The following CASQ1 variants were observed in gnomAD, a reference collection of about 807,000 sequenced individuals.
The protein encoded by CASQ1 is calsequestrin 1.
In CASQ1, 40 loss-of-function variants were observed where a neutral mutation model predicts 49.5. The observed-to-expected ratio is 0.81, with a 90% CI of 0.63 to 1.05. The LOEUF (loss-of-function observed/expected upper bound fraction) is 1.05, where lower values mean the gene tolerates loss of function less well. CASQ1 is among the 50% of genes least tolerant of loss of function. CASQ1 has a pLI of 0.00. For synonymous variants in CASQ1, 174 were observed against 187.2 expected (o/e 0.93, Z 0.58); for missense variants, 469 against 486.9 (o/e 0.96, Z 0.35).
chr1:160,198,853 G>A lies in CASQ1; in HGVS notation c.884-100G>A, dbSNP rs1251951972. ...TTGCAAACAGCCTAGGGCTAGACAT[G>A]TGAAGCTTGGGGAGCAGGGAGGTAG... On this transcript the variant is annotated intron_variant, in intron 8 of 10. Transcript: ENST00000368078. The A allele has an allele frequency of 3.4e-6, 4 of 1,188,850 alleles. No homozygotes were observed. The East Asian group carries it at 7.0e-5, about 21-fold the overall frequency. 73.6% of individuals were successfully genotyped at this position (1,188,850 alleles called of 1,614,324 possible). A position where few individuals can be genotyped will look rare whatever the true frequency, so the allele number is the denominator to read the frequency against.
intron 1 of CASQ1, among the ~76,000 whole-genome samples, chr1:160,191,570 C>G (rs1327974203): frequency 6.6e-6 from 1 of 152,182 alleles, no homozygotes; most frequent in African/African-American, 2.4e-5. Flanking sequence ...CTTCCTTCCC[C>G]CTCCCTAATT....
Position 160,195,053 on chromosome 1 carries a change from G to A in CASQ1, c.507G>A (p.Glu169=). 1 of 1,613,426 alleles carries A rather than the reference G, an allele frequency of 6.2e-7. No homozygotes were observed. The change falls in exon 4 of 11, where the codon GAG becomes GAA. Residue 169 remains glutamate (E), a synonymous_variant. Transcript: ENST00000368078. ...TGGAATTGATTGAAGGTGAACGAGAGCTGCAGGCGTTTGAGAATATTGAGG... is the reference window on the plus strand; with the variant it reads ...TGGAATTGATTGAAGGTGAACGAGAACTGCAGGCGTTTGAGAATATTGAGG... The part of the protein sequence containing the change: ...DPVELIEGER[E]LQAFENIEDE...
At chr1:160,198,461 G>A (rs773266768) in intron 7 of CASQ1, 19 of 425,122 alleles carry the variant, frequency 4.5e-5, no homozygotes, top group Middle Eastern at 6.5e-4. Flanking sequence ...CCGAGATCGC[G>A]CCATTGCACT....
rs1221488091 is a variant in CASQ1, at chr1:160,199,015, C to A, written c.946C>A (p.Leu316Ile). 2.5e-6 allele frequency: 4 copies of A among 1,612,840 alleles called. No individual in the cohort carries two copies. The South Asian group carries it at 3.3e-5, about 13-fold the overall frequency. ...VAQDNTENPD[L>I]SIIWIDPDDF... ...CCAAGATAACACTGAAAACCCAGATCTTAGCATCATCTGGATTGACCCTGA... is the reference window on the plus strand; with the variant it reads ...CCAAGATAACACTGAAAACCCAGATATTAGCATCATCTGGATTGACCCTGA... Residue 316 changes from leucine (L) to isoleucine (I), a missense_variant, in exon 9 of 11, where the codon CTT becomes ATT. Leu to Ile is a conservative substitution (Grantham distance 5, BLOSUM62 2). Transcript: ENST00000368078.
At chr1:160,195,806 T>A (rs1654210670) in intron 5 of CASQ1, 91 bp from the exon 6 acceptor site, 4 of 1,387,358 alleles carry the variant, frequency 2.9e-6, no homozygotes, top group Non-Finnish European at 4.0e-6. Context: ...GCTTTCTGAC[T>A]CCCTTCCTAA....
In CASQ1 at chr1:160,192,920, G is replaced by T. The variant is rs1460952941; in HGVS notation, c.364+34G>T. 17 of 1,575,726 alleles carry T rather than the reference G, an allele frequency of 1.1e-5. No individual in the cohort carries two copies. In the South Asian group the frequency reaches 1.8e-4, roughly 16 times the overall value. ...GGGGAGGGCAGGGGAGGGGAAGGTG[G>T]CATTGAGACAAGGGGAGGCTTAGGG... is the stretch of plus-strand genomic sequence containing the variant. On this transcript the variant is annotated intron_variant, in intron 2 of 10. Coordinates refer to ENST00000368078, the MANE Select transcript of CASQ1 (RefSeq NM_001231.5).
chr1:160,198,850 C>A, intron 8 of CASQ1, 103 bp from the exon 9 acceptor site: 1 of 1,193,852 alleles, frequency 8.4e-7, no homozygotes, highest in Non-Finnish European at 1.3e-6. Flanking sequence ...TAGGGCTAGA[C>A]ATGTGAAGCT....
chr1:160,195,372 G>A (rs565548252), intron 4 of CASQ1, 89 bp from the exon 5 acceptor site: 2 of 1,247,982 alleles, frequency 1.6e-6, no homozygotes, highest in South Asian at 2.4e-5. Context: ...AATGAACCCT[G>A]CCTGCAAAGA....
intron 1 of CASQ1, among the ~76,000 whole-genome samples, chr1:160,191,467 CTG>C (rs1351473229): frequency 3.3e-5 from 5 of 152,174 alleles, no homozygotes; most frequent in Admixed American, 2.6e-4. Context: ...GAGATCCAAA[CTG>C]AGTGTAAATG....
intron 9 of CASQ1, among the ~76,000 whole-genome samples, 164 bp downstream of exon 9, chr1:160,199,217 C>T (rs539956864): frequency 6.6e-6 from 1 of 152,274 alleles, no homozygotes; most frequent in South Asian, 2.1e-4. Flanking sequence ...GCATGGAGGG[C>T]ATCCTGAGCA....
intron 3 of CASQ1, among the ~76,000 whole-genome samples, chr1:160,194,624 C>CAT (rs36143089): frequency 0.48 from 71,945 of 149,620 alleles, 18,211 homozygotes; most frequent in East Asian, 0.7. Context: ...ACACTCCACA[C>CAT]GTACACACAC....
At chr1:160,194,940 C>T (rs1215700162) in intron 3 of CASQ1, 72 bp from the exon 4 acceptor site, 1 of 945,382 alleles carries the variant, frequency 1.1e-6, no homozygotes, top group East Asian at 2.4e-5. Flanking sequence ...CCCCAGCCTT[C>T]TTTTCCCTAG....
Position 160,201,871 on chromosome 1 carries a change from T to A in CASQ1, c.*495T>A, listed in dbSNP as rs558745666. 1 of 157,138 alleles carries A rather than the reference T, an allele frequency of 6.4e-6. No homozygotes were observed. Among genetic ancestry groups the A allele is most frequent in the South Asian group, 1.9e-4 (1 of 5,260 alleles). 9.7% of individuals were successfully genotyped at this position (157,138 alleles called of 1,614,324 possible). On this transcript the variant is annotated 3_prime_UTR_variant, in exon 11 of 11. Transcript: ENST00000368078. ...CAAATGAGAGGCCTCAATAAAGACA[T>A]CTGGGGCAGCATGAACAAGTGTATT...
intron 3 of CASQ1, among the ~76,000 whole-genome samples, chr1:160,194,719 A>C (rs1205806096): frequency 6.6e-6 from 1 of 150,758 alleles, no homozygotes; most frequent in Non-Finnish European, 1.5e-5. Context: ...ACACATATGC[A>C]CCACATGCAC....
chr1:160,191,531 C>T (rs1299779830), intron 1 of CASQ1, among the ~76,000 whole-genome samples: 1 of 152,196 alleles, frequency 6.6e-6, no homozygotes, highest in Non-Finnish European at 1.5e-5. Context: ...AGAGATCATG[C>T]CTCCCATTGG....
At chr1:160,196,104 G>A in intron 6 of CASQ1, 77 bp downstream of exon 6, 4 of 1,474,696 alleles carry the variant, frequency 2.7e-6, no homozygotes, top group Non-Finnish European at 3.7e-6. Flanking sequence ...ATGGGCTGGG[G>A]AAAGCTTAGC....
Position 160,198,714 on chromosome 1 carries a change from C to T in CASQ1, c.866C>T (p.Ala289Val), listed in dbSNP as rs1254872863. 4.3e-6 allele frequency: 7 copies of T among 1,613,620 alleles called. No individual in the cohort carries two copies. In the Admixed American group the frequency reaches 1.2e-4, roughly 27 times the overall value. ...GATGGAATCCACATTGTGGCCTTCG[C>T]AGAGGAAGCTGATCCTGGTGAGGGA... Reference protein sequence around the residue: ...DMDGIHIVAFAEEADPDGFEF... With the variant: ...DMDGIHIVAFVEEADPDGFEF... The change falls in exon 8 of 11, where the codon GCA becomes GTA. Residue 289 changes from alanine (A) to valine (V), a missense_variant. Coordinates refer to ENST00000368078, the MANE Select transcript of CASQ1 (RefSeq NM_001231.5).
intron 5 of CASQ1, 79 bp downstream of exon 5, chr1:160,195,613 C>A: frequency 7.5e-7 from 1 of 1,327,396 alleles, no homozygotes; most frequent in Non-Finnish European, 1.1e-6. Context: ...GAATCGATGG[C>A]TGACCTGGTC....
intron 7 of CASQ1, 83 bp downstream of exon 7, chr1:160,197,697 G>A: frequency 1.1e-6 from 1 of 925,152 alleles, no homozygotes; most frequent in Non-Finnish European, 1.8e-6. Flanking sequence ...CCACCCTACT[G>A]CTCCTCAGGC....
Sources: allele counts gnomAD v4.1 joint callset (sites outside exome capture counted in the v4.1 genomes callset), GRCh38; gene constraint gnomAD v4.1.1; transcripts MANE v1.5; gene names NCBI Gene and HGNC (gene_info 2026-07-23, HGNC 2026-07-21).